SESN3: variants seen among roughly 807,000 people sequenced by gnomAD.
SESN3 encodes sestrin-3.
A neutral mutation model predicts 55.3 loss-of-function variants in SESN3; 21 were observed. That is an observed-to-expected ratio of 0.38 (90% CI 0.27 to 0.55). The LOEUF is 0.55. Among genes scored for constraint, SESN3 ranks in the 20% least tolerant of loss-of-function variants. The pLI, the probability that SESN3 is intolerant of heterozygous loss-of-function variation, is 0.76. For synonymous variants in SESN3, 181 were observed against 203.1 expected, an observed-to-expected ratio of 0.89 and a Z score of 0.93; for missense variants, 408 against 604.3, an observed-to-expected ratio of 0.68 and a Z score of 3.41.
intron 1 of SESN3, among the ~76,000 whole-genome samples, chr11:95,207,899 CAA>C (rs1218697432): frequency 6.6e-6 from 1 of 150,996 alleles, no homozygotes; most frequent in Non-Finnish European, 1.5e-5. Context: ...GTCTCGAACT[CAA>C]GAGTTCAAGT....
At chr11:95,220,507 A>T (rs894181338) in intron 1 of SESN3, among the ~76,000 whole-genome samples, 2 of 152,194 alleles carry the variant, frequency 1.3e-5, no homozygotes, top group African/African-American at 4.8e-5. Flanking sequence ...GATAAAAGAG[A>T]TAACTATATA....
intron 1 of SESN3, among the ~76,000 whole-genome samples, chr11:95,209,134 A>G (rs1447014657): frequency 6.6e-6 from 1 of 151,552 alleles, no homozygotes; most frequent in Non-Finnish European, 1.5e-5. Context: ...TGAACAGGCA[A>G]TCTACAGAAT....
At chr11:95,221,786 A>T (rs1436610940) in intron 1 of SESN3, among the ~76,000 whole-genome samples, 1 of 152,220 alleles carries the variant, frequency 6.6e-6, no homozygotes, top group Admixed American at 6.5e-5. Context: ...ATAGGAATAA[A>T]ATATCTCATA....
chr11:95,185,204 T>G, intron 5 of SESN3, 52 bp downstream of exon 5: 2 of 995,088 alleles, frequency 2.0e-6, no homozygotes, highest in African/African-American at 3.2e-5. Context: ...ATATTTTTAA[T>G]ATTAGAAGTT....
Position 95,230,838 on chromosome 11 carries a change from G to T in SESN3, c.23C>A (p.Pro8Gln). Residue 8 changes from proline (P) to glutamine (Q), a missense_variant, in exon 1 of 10, where the codon CCG becomes CAG. Pro to Gln is a moderately conservative substitution (Grantham distance 76, BLOSUM62 -1). Transcript: ENST00000536441. The surrounding 1 kb of genome is among the most constrained non-coding windows in gnomAD (Gnocchi z 4.6). ...GAGCAGGTAGTTGGCGGCGGCCGAC[G>T]GGCTGCCGCCGCCCCGGTTCATCGT... MNRGGGS[P>Q]SAAANYLLCT... 1.3e-6 allele frequency: 2 copies of T among 1,584,622 alleles called. No individual in the cohort carries two copies. Among genetic ancestry groups the T allele is most frequent in the South Asian group, 1.1e-5 (1 of 89,074 alleles).
chr11:95,202,366 ATTC>A (rs1860474851), intron 1 of SESN3, among the ~76,000 whole-genome samples: 1 of 152,060 alleles, frequency 6.6e-6, no homozygotes, highest in African/African-American at 2.4e-5. Context: ...TGTTCTCTGT[ATTC>A]TTATTAGAAA....
Position 95,173,103 on chromosome 11 carries a change from T to G in SESN3, c.*152A>C. 1 of 489,488 alleles carries G rather than the reference T, an allele frequency of 2.0e-6. No homozygotes were observed. The highest frequency in any genetic ancestry group is 3.1e-5 in the Admixed American group (1 of 32,370). 30.3% of individuals were successfully genotyped at this position (489,488 alleles called of 1,614,324 possible). ...GAAAATAAAACACATCATTGCACAT[T>G]ACAGCCGCAAAAAACAAAAAAAAAA... On this transcript the variant is annotated 3_prime_UTR_variant, in exon 10 of 10. Coordinates refer to ENST00000536441, the MANE Select transcript of SESN3 (RefSeq NM_144665.4).
rs2134207315 is a variant in SESN3, at chr11:95,171,853, T to C, written c.*1402A>G. ...ACAAATTAAAGCTATAAACACATAA[T>C]GTGCTCTCTGAAGATAGTCTAATCA... On this transcript the variant is annotated 3_prime_UTR_variant, in exon 10 of 10. Transcript: ENST00000536441. 6.6e-6 allele frequency: 1 copy of C among 152,274 alleles called. No homozygotes were observed. Among genetic ancestry groups the C allele is most frequent in the South Asian group, 2.1e-4 (1 of 4,828 alleles). 9.4% of individuals were successfully genotyped at this position (152,274 alleles called of 1,614,324 possible). A position where few individuals can be genotyped will look rare whatever the true frequency, so the allele number is the denominator to read the frequency against.
At chr11:95,221,264 A>C (rs1255375995) in intron 1 of SESN3, among the ~76,000 whole-genome samples, 1 of 152,094 alleles carries the variant, frequency 6.6e-6, no homozygotes, top group Non-Finnish European at 1.5e-5. Flanking sequence ...AGATGGCGCC[A>C]CTGCACTCCA....
intron 2 of SESN3, among the ~76,000 whole-genome samples, chr11:95,193,013 CTT>C (rs1399143515): frequency 6.6e-6 from 1 of 151,996 alleles, no homozygotes; most frequent in African/African-American, 2.4e-5. Flanking sequence ...TTCAGGAAGT[CTT>C]TATATGTAGT....
chr11:95,227,047 T>G (rs1326341550), intron 1 of SESN3, among the ~76,000 whole-genome samples: 1 of 152,174 alleles, frequency 6.6e-6, no homozygotes, highest in Non-Finnish European at 1.5e-5. Flanking sequence ...AGAAAACTGA[T>G]TAACCAAGGC....
At chr11:95,190,772 CCA>C (rs553667978) in intron 3 of SESN3, among the ~76,000 whole-genome samples, 107 of 151,936 alleles carry the variant, frequency 7.0e-4, no homozygotes, top group African/African-American at 2.5e-3. Flanking sequence ...CCCTGTCAGC[CCA>C]GTTTCTTCCC....
Position 95,184,523 on chromosome 11 carries a change from A to G in SESN3, c.834T>C (p.Asp278=). 6.2e-7 allele frequency: 1 copy of G among 1,613,518 alleles called. No homozygotes were observed. Among genetic ancestry groups the G allele is most frequent in the Non-Finnish European group, 8.5e-7 (1 of 1,179,680 alleles). Reference sequence around the variant, plus strand: ...TCATTTCTTCTTGAGACGCCTCTTCATCTTCCCTTTCTTCTTGAAGTCTTT... The same window carrying G: ...TCATTTCTTCTTGAGACGCCTCTTCGTCTTCCCTTTCTTCTTGAAGTCTTT... The part of the protein sequence containing the change: ...RMKRLQEERE[D]EEASQEEMST... The change falls in exon 6 of 10, where the codon GAT becomes GAC. Residue 278 remains aspartate (D), a synonymous_variant. Coordinates refer to ENST00000536441, the MANE Select transcript of SESN3 (RefSeq NM_144665.4).
In SESN3 at chr11:95,230,721, C is replaced by T; in HGVS notation, c.78+62G>A. The T allele has an allele frequency of 7.5e-7, 1 of 1,335,100 alleles. No homozygotes were observed. The highest frequency in any genetic ancestry group is 2.0e-4 in the Middle Eastern group (1 of 4,916). The allele number at this position is 1,335,100 out of a possible 1,614,324, so 82.7% of individuals were successfully genotyped here. A position where few individuals can be genotyped will look rare whatever the true frequency, so the allele number is the denominator to read the frequency against. The stretch of plus-strand genomic sequence containing the variant: ...CCCCAGTGCGCGCCCGGGGACGAGC[C>T]GCCCGAGCCCCGGCCGGCAGGAAGC... On this transcript the variant is annotated intron_variant, in intron 1 of 9. Coordinates refer to ENST00000536441, the MANE Select transcript of SESN3 (RefSeq NM_144665.4). This position sits in a 1 kb window ranked among gnomAD's most constrained non-coding sequence, Gnocchi z 4.6.
chr11:95,216,436 A>G (rs1860758301), intron 1 of SESN3, among the ~76,000 whole-genome samples: 1 of 152,248 alleles, frequency 6.6e-6, no homozygotes, highest in Admixed American at 6.5e-5. Flanking sequence ...TATTAAATGC[A>G]AAATTTACTA....
At chr11:95,222,517 T>C (rs1565476579) in intron 1 of SESN3, among the ~76,000 whole-genome samples, 1 of 152,244 alleles carries the variant, frequency 6.6e-6, no homozygotes, top group Non-Finnish European at 1.5e-5. Flanking sequence ...TTGTATCTAA[T>C]ATAAATATAC....
rs1425158870 is a variant in SESN3, at chr11:95,166,862, A to G, written c.*6393T>C. ...GAAGGGGAAACTGTATTTTCTCTCC[A>G]GAGAAGACTAAATAATGCAAAGGAA... is the stretch of plus-strand genomic sequence containing the variant. On this transcript the variant is annotated 3_prime_UTR_variant, in exon 10 of 10. Coordinates refer to ENST00000536441, the MANE Select transcript of SESN3 (RefSeq NM_144665.4). 1 of 152,228 alleles carries G rather than the reference A, an allele frequency of 6.6e-6. No homozygotes were observed. The highest frequency in any genetic ancestry group is 6.5e-5 in the Admixed American group (1 of 15,282). 9.4% of individuals were successfully genotyped at this position (152,228 alleles called of 1,614,324 possible).
chr11:95,224,332 C>A, intron 1 of SESN3: 2 of 331,280 alleles, frequency 6.0e-6, no homozygotes, highest in Non-Finnish European at 1.2e-5. Flanking sequence ...GGATTTTACC[C>A]ATATATGATT....
At chr11:95,181,411 T>C (rs1414636107) in intron 6 of SESN3, among the ~76,000 whole-genome samples, 1 of 152,092 alleles carries the variant, frequency 6.6e-6, no homozygotes, top group Non-Finnish European at 1.5e-5. Context: ...ACAAATACTT[T>C]TTTCCTAAAT....
Sources: allele counts gnomAD v4.1 joint callset (sites outside exome capture counted in the v4.1 genomes callset), GRCh38; gene constraint gnomAD v4.1.1; non-coding constraint Gnocchi (gnomAD v3.1); transcripts MANE v1.5; gene names NCBI Gene and HGNC (gene_info 2026-07-23, HGNC 2026-07-21).